The following ARHGEF10 variants were observed in gnomAD, a reference collection of about 807,000 sequenced individuals.
ARHGEF10 encodes the protein Rho guanine nucleotide exchange factor (GEF) 10.
ARHGEF10 carries 140 observed loss-of-function variants against 147.4 expected under a neutral mutation model. The observed-to-expected ratio is 0.95, with a 90% confidence interval of 0.83 to 1.09. The LOEUF (loss-of-function observed/expected upper bound fraction) is 1.09. Ranked by LOEUF, ARHGEF10 falls within the 50% of genes least tolerant of loss-of-function variation. The pLI, the probability that ARHGEF10 is intolerant of heterozygous loss-of-function variation, is 0.00. For synonymous variants in ARHGEF10, 902 were observed against 695.8 expected, an observed-to-expected ratio of 1.30 and a Z score of -4.67; for missense variants, 2,222 against 1,752.7, an observed-to-expected ratio of 1.27 and a Z score of -4.78.
chr8:1,944,106 GCACTGTGTCGCCTCCCCCA>G (rs1814344352), intron 26 of ARHGEF10, among the ~76,000 whole-genome samples: 2 of 97,034 alleles, frequency 2.1e-5, no homozygotes, highest in African/African-American at 1.0e-4. Flanking sequence ...CCAGCCTCCC[GCACTGTGTCGCCTCCCCCA>G]GGATCCCAGC....
Position 1,945,603 on chromosome 8 carries a change from C to T in ARHGEF10, c.3345C>T (p.Leu1115=). The change falls in exon 27 of 29, where the codon CTC becomes CTT. Residue 1115 remains leucine (L), a synonymous_variant. Transcript: ENST00000349830. ...TCCGCCTTTTTCACACGGAAACTCT[C>T]AAGCACCTGCAGGACATCAACATCG... ...STLRLFHTET[L]KHLQDINIAT... 6.2e-7 allele frequency: 1 copy of T among 1,614,262 alleles called. No individual in the cohort carries two copies. The highest frequency in any genetic ancestry group is 8.5e-7 in the Non-Finnish European group (1 of 1,180,054).
At chr8:1,879,172 G>A (rs908080192) in intron 8 of ARHGEF10, among the ~76,000 whole-genome samples, 3 of 152,162 alleles carry the variant, frequency 2.0e-5, no homozygotes, top group African/African-American at 7.2e-5. Flanking sequence ...GCCCCGAGAC[G>A]AGCCAGTGGG....
chr8:1,896,321 C>T lies in ARHGEF10; in HGVS notation c.1441-12C>T. The T allele has an allele frequency of 6.3e-7, 1 of 1,583,322 alleles. No homozygotes were observed. ...TCTGTGATTTCTCTCTGAATTTCCT[C>T]CTGTGTTTCAGTTTTCTAAGTCCAT... On this transcript the variant is annotated splice_polypyrimidine_tract_variant and intron_variant, in intron 13 of 28. Coordinates refer to ENST00000349830, the MANE Select transcript of ARHGEF10 (RefSeq NM_014629.4).
At chr8:1,914,656 A>G (rs893874243) in intron 18 of ARHGEF10, among the ~76,000 whole-genome samples, 1 of 152,226 alleles carries the variant, frequency 6.6e-6, no homozygotes, top group East Asian at 1.9e-4. Flanking sequence ...AAACAGAACA[A>G]AATGCCTCTG....
chr8:1,847,075 T>C (rs1448299067), intron 2 of ARHGEF10, among the ~76,000 whole-genome samples: 1 of 152,292 alleles, frequency 6.6e-6, no homozygotes, highest in Admixed American at 6.5e-5. Context: ...CAGGTCCCTG[T>C]GCCTTCTCTA....
At chr8:1,894,047 G>A (rs1809765618) in intron 12 of ARHGEF10, among the ~76,000 whole-genome samples, 1 of 151,884 alleles carries the variant, frequency 6.6e-6, no homozygotes, top group East Asian at 1.9e-4. Flanking sequence ...GGCGGTATGT[G>A]CCTATGGTCC....
chr8:1,828,861 G>C (rs866149951), intron 1 of ARHGEF10, among the ~76,000 whole-genome samples: 2 of 149,084 alleles, frequency 1.3e-5, no homozygotes, highest in Non-Finnish European at 1.5e-5. Context: ...TGTGGCATGC[G>C]CACTTACTGT....
chr8:1,913,784 A>C (rs959418550), intron 18 of ARHGEF10, among the ~76,000 whole-genome samples: 1 of 152,198 alleles, frequency 6.6e-6, no homozygotes, highest in Non-Finnish European at 1.5e-5. Flanking sequence ...CCTGAGTGCC[A>C]GGAGTGCTTC....
intron 21 of ARHGEF10, 50 bp from the exon 22 acceptor site, chr8:1,925,233 C>T (rs1481136652): frequency 3.0e-5 from 48 of 1,612,956 alleles, no homozygotes; most frequent in Non-Finnish European, 3.6e-5. Context: ...CAGGTCTTTG[C>T]ATGTGAGTTA....
At chr8:1,947,093 A>G (rs1484139375) in intron 27 of ARHGEF10, among the ~76,000 whole-genome samples, 1 of 152,248 alleles carries the variant, frequency 6.6e-6, no homozygotes. Context: ...ACTCACTGCT[A>G]GAGCAAATGT....
rs1182370468 is a variant in ARHGEF10, at chr8:1,858,206, T to TCCCAGGTGAGTC, written c.193+112_193+123dup. 20 of 1,024,056 alleles carry TCCCAGGTGAGTC rather than the reference T, an allele frequency of 2.0e-5. No homozygotes were observed. The South Asian group carries it at 2.4e-4, about 12-fold the overall frequency. 63.4% of individuals were successfully genotyped at this position (1,024,056 alleles called of 1,614,324 possible). A position where few individuals can be genotyped will look rare whatever the true frequency, so the allele number is the denominator to read the frequency against. Reference sequence around the variant, plus strand: ...TCCCCATGTGAGTCACCAGGTGAGTTCCCAGGTGAGTCCCCAGGTGAGTCC... The same window carrying TCCCAGGTGAGTC: ...TCCCCATGTGAGTCACCAGGTGAGTTCCCAGGTGAGTCCCCAGGTGAGTCCCCAGGTGAGTCC... On this transcript the variant is annotated intron_variant, in intron 3 of 28. Coordinates refer to ENST00000349830, the MANE Select transcript of ARHGEF10 (RefSeq NM_014629.4).
chr8:1,851,913 CAAAAA>C (rs10716531), intron 2 of ARHGEF10, among the ~76,000 whole-genome samples: 2 of 142,606 alleles, frequency 1.4e-5, no homozygotes, highest in Non-Finnish European at 3.0e-5. Context: ...GACTCTGTCT[CAAAAA>C]AAAAAAAAAT....
chr8:1,843,748 T>C (rs12681672), intron 2 of ARHGEF10, among the ~76,000 whole-genome samples: 60,568 of 151,916 alleles, frequency 0.4, 13,468 homozygotes, highest in Non-Finnish European at 0.49. Flanking sequence ...AGCGGGAGGG[T>C]TGTTACAGAA....
chr8:1,844,138 G>C (rs941578283), intron 2 of ARHGEF10, among the ~76,000 whole-genome samples: 4 of 152,188 alleles, frequency 2.6e-5, no homozygotes, highest in Admixed American at 6.5e-5. Context: ...GCAGGTCTGG[G>C]GGGTGATGGA....
chr8:1,880,236 G>T (rs892953081), intron 9 of ARHGEF10, 72 bp downstream of exon 9: 2 of 1,044,998 alleles, frequency 1.9e-6, no homozygotes, highest in Non-Finnish European at 1.5e-6. Flanking sequence ...CGGCTCGGTC[G>T]GTCCTTGCTG....
intron 7 of ARHGEF10, among the ~76,000 whole-genome samples, chr8:1,874,964 G>A (rs533298647): frequency 4.0e-5 from 1 of 24,830 alleles, no homozygotes; most frequent in Non-Finnish European, 8.4e-5. Context: ...GGGCTGTGTC[G>A]GGGATAGAGG....
chr8:1,847,480 A>T (rs1056055095), intron 2 of ARHGEF10, among the ~76,000 whole-genome samples: 2 of 152,370 alleles, frequency 1.3e-5, no homozygotes, highest in African/African-American at 4.8e-5. Context: ...TACAATTGGC[A>T]TGTTAATGTT....
intron 8 of ARHGEF10, among the ~76,000 whole-genome samples, chr8:1,878,251 G>A (rs748940575): frequency 2.2e-4 from 34 of 151,862 alleles, no homozygotes; most frequent in Admixed American, 7.9e-4. Flanking sequence ...GTACAATGGC[G>A]TGATCTCGGC....
rs1389936033 is a variant in ARHGEF10 at position 1,903,373 on chromosome 8, TGAAA to T, written c.1750_1753del (p.Lys584GlufsTer9). The T allele has an allele frequency of 1.2e-6, 2 of 1,614,134 alleles. No homozygotes were observed. Among genetic ancestry groups the T allele is most frequent in the African/African-American group, 1.3e-5 (1 of 75,040 alleles). On this transcript the variant is annotated frameshift_variant, in exon 16 of 29. Transcript: ENST00000349830. LOFTEE classifies it high-confidence loss of function. ...TCGAAACACTAGCAGAGAAGTTAAA[TGAAA>T]GAAAGAGAGATGCTGATCAACGCTG...
Sources: allele counts gnomAD v4.1 joint callset (sites outside exome capture counted in the v4.1 genomes callset), GRCh38; gene constraint gnomAD v4.1.1; transcripts MANE v1.5; gene names NCBI Gene and HGNC (gene_info 2026-07-23, HGNC 2026-07-21).